TRPV3: variants seen among roughly 807,000 people sequenced by gnomAD.
TRPV3 encodes VRL-3.
TRPV3 carries 88 observed loss-of-function variants against 87.1 expected under a neutral mutation model. The observed-to-expected ratio is 1.01, with a 90% CI of 0.85 to 1.21. TRPV3 has a LOEUF of 1.21. TRPV3 is among the 50% of genes most tolerant of loss of function. The probability of loss-of-function intolerance (pLI) is 0.00; values close to 1 mark genes in which losing one functional copy is unlikely to be tolerated. For missense variants in TRPV3, 1,054 were observed against 1,030.1 expected, an observed-to-expected ratio of 1.02 and a Z score of -0.32; for synonymous variants, 438 against 423.3, an observed-to-expected ratio of 1.03 and a Z score of -0.43.
At position 3,513,043 on chromosome 17, in the gene TRPV3, C is replaced by G. The variant is rs2074135009; in HGVS notation, c.*874G>C. On this transcript the variant is annotated 3_prime_UTR_variant, in exon 18 of 18. Coordinates refer to ENST00000576742, the MANE Select transcript of TRPV3 (RefSeq NM_145068.4). ...TTTCACCCAGATCGCGGCGGCCCAGCAGGACTTGCCCGGAGTGTCTCATGC... is the reference window on the plus strand; with the variant it reads ...TTTCACCCAGATCGCGGCGGCCCAGGAGGACTTGCCCGGAGTGTCTCATGC... 6.6e-6 allele frequency: 1 copy of G among 152,350 alleles called. No individual in the cohort carries two copies. The allele number at this position is 152,350 out of a possible 1,614,324, so 9.4% of individuals were successfully genotyped here. A position where few individuals can be genotyped will look rare whatever the true frequency, so the allele number is the denominator to read the frequency against.
At chr17:3,550,517 G>GT (rs1219178014) in intron 2 of TRPV3, among the ~76,000 whole-genome samples, 7 of 128,750 alleles carry the variant, frequency 5.4e-5, no homozygotes, top group Non-Finnish European at 3.3e-5. Context: ...TTTCCTGCCT[G>GT]CTCTTTTTTT....
chr17:3,524,123 T>C, intron 13 of TRPV3, 75 bp downstream of exon 13: 2 of 1,570,126 alleles, frequency 1.3e-6, no homozygotes, highest in African/African-American at 1.3e-5. Context: ...CCTCTTCCTC[T>C]CCAGATCTCA....
intron 7 of TRPV3, among the ~76,000 whole-genome samples, chr17:3,534,551 A>C (rs1442842197): frequency 6.6e-6 from 1 of 152,192 alleles, no homozygotes; most frequent in Non-Finnish European, 1.5e-5. Context: ...TTCTGACTGC[A>C]GTGGTGGTGA....
intron 12 of TRPV3, 120 bp downstream of exon 12, chr17:3,526,734 C>A: frequency 2.6e-6 from 2 of 775,080 alleles, no homozygotes; most frequent in South Asian, 1.6e-5. Context: ...GTAACCATGG[C>A]AGAGTGACTG....
chr17:3,526,766 T>A lies in TRPV3; in HGVS notation c.1577+88A>T, dbSNP rs928227176. The A allele has an allele frequency of 7.7e-6, 8 of 1,043,848 alleles. No homozygotes were observed. In the Admixed American group the frequency reaches 8.0e-5, roughly 10 times the overall value. 64.7% of individuals were successfully genotyped at this position (1,043,848 alleles called of 1,614,324 possible). A position where few individuals can be genotyped will look rare whatever the true frequency, so the allele number is the denominator to read the frequency against. On this transcript the variant is annotated intron_variant, in intron 12 of 17. Transcript: ENST00000576742. ...ACTGGGACACCGTGGCACAGTAGGA[T>A]ATTTGTTCAAGAGGCGGACACGGCA...
chr17:3,519,406 A>ATGAT (rs1489725311), intron 14 of TRPV3, among the ~76,000 whole-genome samples: 164 of 135,142 alleles, frequency 1.2e-3, no homozygotes, highest in African/African-American at 4.5e-3. Flanking sequence ...GGATGGATGG[A>ATGAT]TGGATGGATG....
At chr17:3,537,003 T>C (rs1446353826) in intron 6 of TRPV3, among the ~76,000 whole-genome samples, 1 of 152,212 alleles carries the variant, frequency 6.6e-6, no homozygotes, top group African/African-American at 2.4e-5. Flanking sequence ...AGTTTGTTTA[T>C]AGCTAACCTT....
intron 13 of TRPV3, among the ~76,000 whole-genome samples, chr17:3,523,690 C>A (rs180678974): frequency 2.7e-5 from 4 of 150,092 alleles, no homozygotes; most frequent in African/African-American, 9.8e-5. Flanking sequence ...TTTACTCTGG[C>A]CTGGGCAGCA....
At chr17:3,525,171 C>T (rs1225199157) in intron 12 of TRPV3, among the ~76,000 whole-genome samples, 3 of 152,136 alleles carry the variant, frequency 2.0e-5, no homozygotes, top group Admixed American at 2.0e-4. Flanking sequence ...AGGCACCCGC[C>T]ACCACACCAG....
At chr17:3,541,857 G>T (rs1406341898) in intron 6 of TRPV3, among the ~76,000 whole-genome samples, 1 of 152,170 alleles carries the variant, frequency 6.6e-6, no homozygotes, top group African/African-American at 2.4e-5. Flanking sequence ...GTCACTTTCT[G>T]TCACACTATC....
intron 14 of TRPV3, among the ~76,000 whole-genome samples, chr17:3,519,551 CCAATTGATCGA>C (rs2074219043): frequency 5.5e-5 from 4 of 73,294 alleles, no homozygotes; most frequent in African/African-American, 2.5e-4. Context: ...GATGGATGGA[CCAATTGATCGA>C]TGGATGGATG....
Position 3,530,572 on chromosome 17 carries a change from G to C in TRPV3, c.1066-369C>G, listed in dbSNP as rs1567636892. ...CAGTTTCCATTTGCTCTGGACTTGAGAAGAAGCCAGAAGTGTTCTCAGCGT... is the reference window on the plus strand; with the variant it reads ...CAGTTTCCATTTGCTCTGGACTTGACAAGAAGCCAGAAGTGTTCTCAGCGT... On this transcript the variant is annotated intron_variant, in intron 8 of 17. Transcript: ENST00000576742. The surrounding 1 kb of genome is among the most constrained non-coding windows in gnomAD (Gnocchi z 4.0). Among the ~76,000 whole-genome samples the C allele has an allele frequency of 6.6e-6, 1 of 152,184 alleles. No individual in the cohort carries two copies. The highest frequency in any genetic ancestry group is 2.4e-5 in the African/African-American group (1 of 41,454).
Position 3,535,671 on chromosome 17 carries a change from T to C in TRPV3, c.686A>G (p.Asp229Gly). 6.3e-7 allele frequency: 1 copy of C among 1,593,564 alleles called. No individual in the cohort carries two copies. Among genetic ancestry groups the C allele is most frequent in the Admixed American group, 1.7e-5 (1 of 57,160 alleles). ...LNIAIERRQG[D>G]IAALLIAAGA... ...GGCGGCGATGAGCAGGGCTGCGATG[T>C]CCCCCTGCCGCCGCTCGATGGCGAT... is the stretch of plus-strand genomic sequence containing the variant. The change falls in exon 7 of 18, where the codon GAC becomes GGC. Residue 229 changes from aspartate (D) to glycine (G), a missense_variant. Transcript: ENST00000576742.
At position 3,535,525 on chromosome 17, in the gene TRPV3, C is replaced by T. The variant is rs368326587; in HGVS notation, c.784+48G>A. 198 of 1,509,388 alleles carry T rather than the reference C, an allele frequency of 1.3e-4. No individual in the cohort carries two copies. In the African/African-American group the frequency reaches 1.8e-3, roughly 14 times the overall value. The allele number at this position is 1,509,388 out of a possible 1,614,324, so 93.5% of individuals were successfully genotyped here. A position where few individuals can be genotyped will look rare whatever the true frequency, so the allele number is the denominator to read the frequency against. ...CCTTCCCTCCCTTCCTCTCCCGTCT[C>T]CCTCCTCCCTCCTCCCAGACTCCGC... On this transcript the variant is annotated intron_variant, in intron 7 of 17. Coordinates refer to ENST00000576742, the MANE Select transcript of TRPV3 (RefSeq NM_145068.4).
chr17:3,530,981 G>C lies in TRPV3; in HGVS notation c.1066-778C>G, dbSNP rs1388516071. On this transcript the variant is annotated intron_variant, in intron 8 of 17. Coordinates refer to ENST00000576742, the MANE Select transcript of TRPV3 (RefSeq NM_145068.4). This position sits in a 1 kb window ranked among gnomAD's most constrained non-coding sequence, Gnocchi z 4.0. ...TGAGGCAGGAGAGTCGCTTGAACCTGGGAGGTGGAGGTTGCCGTGAGCCAT... is the reference window on the plus strand; with the variant it reads ...TGAGGCAGGAGAGTCGCTTGAACCTCGGAGGTGGAGGTTGCCGTGAGCCAT... Among the ~76,000 whole-genome samples, 2 of 152,016 alleles carry C rather than the reference G, an allele frequency of 1.3e-5. No homozygotes were observed. Among genetic ancestry groups the C allele is most frequent in the Non-Finnish European group, 2.9e-5 (2 of 67,972 alleles).
intron 6 of TRPV3, among the ~76,000 whole-genome samples, chr17:3,540,965 T>C (rs1301504202): frequency 1.3e-5 from 2 of 152,262 alleles, no homozygotes; most frequent in African/African-American, 2.4e-5. Flanking sequence ...CTTCTTCTTA[T>C]ATATAACAAA....
At chr17:3,540,646 G>A (rs933548876) in intron 6 of TRPV3, among the ~76,000 whole-genome samples, 2 of 152,174 alleles carry the variant, frequency 1.3e-5, no homozygotes, top group Non-Finnish European at 2.9e-5. Flanking sequence ...TGCCCTCAAG[G>A]GAAACATGTT....
chr17:3,550,492 C>G (rs570534006), intron 2 of TRPV3, among the ~76,000 whole-genome samples: 1 of 151,610 alleles, frequency 6.6e-6, no homozygotes, highest in Admixed American at 6.6e-5. Context: ...CCAGCTCACC[C>G]ACTCCTTCTC....
chr17:3,514,006 T>C lies in TRPV3; in HGVS notation c.2284A>G (p.Asn762Asp). 1 of 1,611,896 alleles carries C rather than the reference T, an allele frequency of 6.2e-7. No homozygotes were observed. The highest frequency in any genetic ancestry group is 8.5e-7 in the Non-Finnish European group (1 of 1,178,548). The change falls in exon 18 of 18, where the codon AAC (asparagine) becomes GAC (aspartate). Residue 762 changes from asparagine (N) to aspartate (D), a missense_variant. Transcript: ENST00000576742. ...TTCCTGGAAGAATCTTGGATTTTGTTGAAATCTGCTTTTTAAAAAAATATA... is the reference window on the plus strand; with the variant it reads ...TTCCTGGAAGAATCTTGGATTTTGTCGAAATCTGCTTTTTAAAAAAATATA... ...DPGPVRRTDF[N>D]KIQDSSRNNS...
Sources: allele counts gnomAD v4.1 joint callset (sites outside exome capture counted in the v4.1 genomes callset), GRCh38; gene constraint gnomAD v4.1.1; non-coding constraint Gnocchi (gnomAD v3.1); transcripts MANE v1.5; gene names NCBI Gene and HGNC (gene_info 2026-07-23, HGNC 2026-07-21).